Variants in CARS2 observed in about 807,000 individuals in gnomAD.
CARS2 encodes probable cysteine--tRNA ligase, mitochondrial.
Under a neutral mutation model 68.8 loss-of-function variants are expected in CARS2, and 52 were observed. The ratio of observed to expected loss-of-function variants is 0.76; its 90% CI spans 0.61 to 0.95. The LOEUF is 0.95. CARS2 is among the 40% of genes least tolerant of loss of function. The pLI is 0.00. For synonymous variants in CARS2, 314 were observed against 303.6 expected, an observed-to-expected ratio of 1.03 and a Z score of -0.36; for missense variants, 780 against 754.2, an observed-to-expected ratio of 1.03 and a Z score of -0.40.
chr13:110,710,008 G>C (rs953505132), upstream of CARS2, among the ~76,000 whole-genome samples: 1 of 152,098 alleles, frequency 6.6e-6, no homozygotes, highest in South Asian at 2.1e-4. Flanking sequence ...AGTTGATTAC[G>C]GTAGCATATG....
At position 110,644,467 on chromosome 13, in the gene CARS2, C is replaced by A. The variant is rs1594210396; in HGVS notation, c.1334G>T (p.Arg445Ile). 1.9e-6 allele frequency: 3 copies of A among 1,613,950 alleles called. No homozygotes were observed. In the African/African-American group the frequency reaches 4.0e-5, roughly 22 times the overall value. Residue 445 changes from arginine (R) to isoleucine (I), a missense_variant, in exon 13 of 15, where the codon AGA becomes ATA. Transcript: ENST00000257347. ...GATGGCACCAAACACAGCAGGACTT[C>A]TCGGCCCTTCAGGTTCCTGTAAGAG... ...RASLKEPEGP[R>I]SPAVFGAIIS...
intron 10 of CARS2, 45 bp downstream of exon 10, chr13:110,650,989 T>C (rs1566653316): frequency 7.0e-7 from 1 of 1,437,298 alleles, no homozygotes; most frequent in Admixed American, 1.8e-5. Context: ...AGAATGACTG[T>C]CTCCGAGCTG....
At chr13:110,663,595 G>T in intron 8 of CARS2, 77 bp from the exon 9 acceptor site, 1 of 1,573,552 alleles carries the variant, frequency 6.4e-7, no homozygotes, top group Non-Finnish European at 8.6e-7. Flanking sequence ...GGCTCCCCAG[G>T]AAACGAATGG....
At position 110,676,804 on chromosome 13, in the gene CARS2, C is replaced by T. The variant is rs1417395218; in HGVS notation, c.785+170G>A. Among the ~76,000 whole-genome samples the T allele has an allele frequency of 3.9e-5, 6 of 152,108 alleles. No individual in the cohort carries two copies. The highest frequency in any genetic ancestry group is 1.2e-4 in the African/African-American group (5 of 41,404). On this transcript the variant is annotated intron_variant, in intron 7 of 14. Coordinates refer to ENST00000257347, the MANE Select transcript of CARS2 (RefSeq NM_024537.4). This position sits in a 1 kb window ranked among gnomAD's most constrained non-coding sequence, Gnocchi z 4.0. ...GGAAAGCTTGATGTGTCATGGGTTT[C>T]GTTCACCCCGTTCCATGGCCCGTCA...
upstream of CARS2, among the ~76,000 whole-genome samples, chr13:110,708,451 A>C (rs921371937): frequency 6.6e-6 from 1 of 152,280 alleles, no homozygotes; most frequent in Non-Finnish European, 1.5e-5. Context: ...GAATCTGGAC[A>C]TGCGGTATAT....
exon 1 of CARS2, chr13:110,713,253 G>A: frequency 7.4e-7 from 1 of 1,347,446 alleles, no homozygotes; most frequent in Non-Finnish European, 9.5e-7. Context: ...CTGTGGGGCG[G>A]GGACGAAGAG....
Position 110,667,448 on chromosome 13 carries a change from T to C in CARS2, c.811A>G (p.Ile271Val), listed in dbSNP as rs762751479. ...GCTAAATCTATCCCACCTGAATGGATATCCAGTTGACTTCCAAATACCATA... is the reference window on the plus strand; with the variant it reads ...GCTAAATCTATCCCACCTGAATGGACATCCAGTTGACTTCCAAATACCATA... The part of the protein sequence containing the change: ...ASMVFGSQLD[I>V]HSGGIDLAFP... Residue 271 changes from isoleucine to valine, a missense_variant, in exon 8 of 15, where the codon ATC (isoleucine) becomes GTC (valine). By Grantham distance (29) the Ile-to-Val change is conservative. Coordinates refer to ENST00000257347, the MANE Select transcript of CARS2 (RefSeq NM_024537.4). The C allele has an allele frequency of 3.1e-6, 5 of 1,613,798 alleles. No homozygotes were observed. The South Asian group carries it at 4.4e-5, about 14-fold the overall frequency.
intron 3 of CARS2, among the ~76,000 whole-genome samples, chr13:110,697,043 GCTCC>G (rs1422148548): frequency 6.6e-6 from 1 of 152,160 alleles, no homozygotes; most frequent in African/African-American, 2.4e-5. Flanking sequence ...GCCTCTACCA[GCTCC>G]CTGCCACCAG....
At position 110,647,350 on chromosome 13, in the gene CARS2, G is replaced by C. The variant is rs1566645630; in HGVS notation, c.1055-111C>G. 5.9e-6 allele frequency: 8 copies of C among 1,345,860 alleles called. No individual in the cohort carries two copies. The East Asian group carries it at 2.0e-4, about 33-fold the overall frequency. 83.4% of individuals were successfully genotyped at this position (1,345,860 alleles called of 1,614,324 possible). On this transcript the variant is annotated intron_variant, in intron 10 of 14. Transcript: ENST00000257347. ...CACTGCCACCCAGGGACCACACGGA[G>C]AGCGGGACATGTGGCTCTCACGCCC...
At chr13:110,692,095 T>C (rs2063485415) in intron 3 of CARS2, among the ~76,000 whole-genome samples, 1 of 145,632 alleles carries the variant, frequency 6.9e-6, no homozygotes, top group African/African-American at 2.6e-5. Flanking sequence ...TACACACACA[T>C]ATATACATAT....
intron 9 of CARS2, among the ~76,000 whole-genome samples, chr13:110,656,261 C>T (rs2062363977): frequency 6.6e-6 from 1 of 152,112 alleles, no homozygotes; most frequent in Non-Finnish European, 1.5e-5. Flanking sequence ...TGAGATCACA[C>T]TAATGCACTA....
rs2062612715 is a variant in CARS2 at position 110,665,113 on chromosome 13, G to C, written c.920-1595C>G. The C allele has an allele frequency of 1.0e-6, 1 of 985,324 alleles. No homozygotes were observed. Among genetic ancestry groups the C allele is most frequent in the Non-Finnish European group, 1.2e-6 (1 of 829,900 alleles). The allele number at this position is 985,324 out of a possible 1,614,324, so 61.0% of individuals were successfully genotyped here. On this transcript the variant is annotated intron_variant, in intron 8 of 14. Coordinates refer to ENST00000257347, the MANE Select transcript of CARS2 (RefSeq NM_024537.4). The surrounding 1 kb of genome is among the most constrained non-coding windows in gnomAD (Gnocchi z 4.3). Reference sequence around the variant, plus strand: ...CCAAACTAGTATGAAAAAGATCGCTGGTATCTTAACAGGTAGTAAAAAATC... The same window carrying C: ...CCAAACTAGTATGAAAAAGATCGCTCGTATCTTAACAGGTAGTAAAAAATC...
In CARS2 at chr13:110,676,218, G is replaced by A. The variant is rs2062945403; in HGVS notation, c.785+756C>T. ...GCCCCATGGGCAGCTGTGCAGCACG[G>A]GGCACGGGCGGTATGCTGTCTTTCA... On this transcript the variant is annotated intron_variant, in intron 7 of 14. Transcript: ENST00000257347. The surrounding 1 kb of genome is among the most constrained non-coding windows in gnomAD (Gnocchi z 4.0). Among the ~76,000 whole-genome samples, 1 of 152,204 alleles carries A rather than the reference G, an allele frequency of 6.6e-6. No individual in the cohort carries two copies. Among genetic ancestry groups the A allele is most frequent in the African/African-American group, 2.4e-5 (1 of 41,456 alleles).
rs182857543 is a variant in CARS2 at position 110,654,645 on chromosome 13, C to T, written c.988-3545G>A. Among the ~76,000 whole-genome samples, 194 of 151,812 alleles carry T rather than the reference C, an allele frequency of 1.3e-3. 1 individual carries two copies. Among genetic ancestry groups the T allele is most frequent in the African/African-American group, 4.6e-3 (192 of 41,348 alleles). ...ATTAACAAGAAAAATGGGCCAGGTG[C>T]CGTGGGTCACACCTGTAATCCCAGC... is the stretch of plus-strand genomic sequence containing the variant. On this transcript the variant is annotated intron_variant, in intron 9 of 14. Transcript: ENST00000257347.
chr13:110,710,812 A>G (rs1040988567), upstream of CARS2, among the ~76,000 whole-genome samples: 2 of 152,232 alleles, frequency 1.3e-5, no homozygotes, highest in Non-Finnish European at 2.9e-5. Context: ...AGTAGTTGGC[A>G]CATGGTAGAC....
At chr13:110,702,407 C>T (rs1283196249) in intron 2 of CARS2, among the ~76,000 whole-genome samples, 1 of 152,218 alleles carries the variant, frequency 6.6e-6, no homozygotes, top group African/African-American at 2.4e-5. Flanking sequence ...TTGGCAAAAT[C>T]CCACCACCTA....
Position 110,646,185 on chromosome 13 carries a change from G to T in CARS2, c.1194-95C>A, listed in dbSNP as rs74127066. 6 of 1,407,622 alleles carry T rather than the reference G, an allele frequency of 4.3e-6. No individual in the cohort carries two copies. The Admixed American group carries it at 7.1e-5, about 17-fold the overall frequency. The allele number at this position is 1,407,622 out of a possible 1,614,324, so 87.2% of individuals were successfully genotyped here. A position where few individuals can be genotyped will look rare whatever the true frequency, so the allele number is the denominator to read the frequency against. On this transcript the variant is annotated intron_variant, in intron 11 of 14. Transcript: ENST00000257347. ...CCTTCCCCAGGGAGAGACGCTGGGG[G>T]CTCTAATCTGGGGACTTTCTCTAGG... is the stretch of plus-strand genomic sequence containing the variant.
intron 9 of CARS2, among the ~76,000 whole-genome samples, chr13:110,662,103 C>T (rs1156335686): frequency 6.6e-6 from 1 of 152,254 alleles, no homozygotes; most frequent in Non-Finnish European, 1.5e-5. Context: ...TGTAAAGACA[C>T]AGCATCTGCG....
intron 6 of CARS2, among the ~76,000 whole-genome samples, chr13:110,682,053 G>C (rs1405880928): frequency 6.6e-6 from 1 of 152,028 alleles, no homozygotes; most frequent in Non-Finnish European, 1.5e-5. Flanking sequence ...AGTGAACCCT[G>C]ATGCCAACTC....
Sources: gnomAD v4.1 joint callset for allele counts (sites outside exome capture counted in the v4.1 genomes callset) on GRCh38, gnomAD v4.1.1 for gene constraint, Gnocchi (gnomAD v3.1) non-coding constraint, MANE v1.5 for transcripts, NCBI Gene and HGNC (gene_info 2026-07-23, HGNC 2026-07-21) for gene names.